Variants in TTLL11 observed in about 807,000 individuals in gnomAD.
TTLL11 encodes the protein tubulin tyrosine ligase like 11, also known as tubulin polyglutamylase TTLL11.
Under a neutral mutation model 51.7 loss-of-function variants are expected in TTLL11, and 42 were observed. The ratio of observed to expected loss-of-function variants is 0.81; its 90% CI spans 0.64 to 1.05. The LOEUF is 1.05. TTLL11 is among the 50% of genes least tolerant of loss of function. The pLI is 0.00. For missense variants in TTLL11, 799 were observed against 940.4 expected, an observed-to-expected ratio of 0.85 and a Z score of 1.97; for synonymous variants, 381 against 383.5, an observed-to-expected ratio of 0.99 and a Z score of 0.08.
chr9:122,090,276 C>G (rs1241012721), intron 1 of TTLL11, among the ~76,000 whole-genome samples: 2 of 152,132 alleles, frequency 1.3e-5, no homozygotes, highest in African/African-American at 4.8e-5. Context: ...ACTGACTTGC[C>G]CTGATAAATG....
chr9:121,904,590 T>G (rs1009898557), intron 6 of TTLL11, among the ~76,000 whole-genome samples: 5 of 152,222 alleles, frequency 3.3e-5, no homozygotes, highest in Non-Finnish European at 5.9e-5. Context: ...CTGGTGGTGT[T>G]CCTTCTGATT....
intron 3 of TTLL11, among the ~76,000 whole-genome samples, chr9:122,012,388 T>C (rs1346791677): frequency 6.6e-6 from 1 of 151,744 alleles, no homozygotes; most frequent in Non-Finnish European, 1.5e-5. Flanking sequence ...CCCAGAAAAA[T>C]GTTTACTTCT....
chr9:122,029,092 A>G (rs1844442374), intron 3 of TTLL11, among the ~76,000 whole-genome samples: 1 of 152,200 alleles, frequency 6.6e-6, no homozygotes, highest in Non-Finnish European at 1.5e-5. Context: ...TGCATTACTC[A>G]TGTTTGTGGT....
rs968018440 is a variant in TTLL11 at position 121,820,524 on chromosome 9, C to T, written c.*2063G>A. ...CATGCCACCAGACCATGACGGACCC[C>T]AGGCAGCCCCGAGCGGGGTAGCTGC... On this transcript the variant is annotated 3_prime_UTR_variant, in exon 9 of 9. Transcript: ENST00000321582. 1.3e-5 allele frequency among the ~76,000 whole-genome samples: 2 copies of T among 152,186 alleles called. No individual in the cohort carries two copies. The highest frequency in any genetic ancestry group is 4.8e-5 in the African/African-American group (2 of 41,442).
chr9:121,949,071 T>C (rs1841771303), intron 6 of TTLL11, among the ~76,000 whole-genome samples: 2 of 151,952 alleles, frequency 1.3e-5, no homozygotes, highest in Non-Finnish European at 2.9e-5. Flanking sequence ...CAATCCTGAG[T>C]CAGACACTCT....
chr9:122,037,828 T>C (rs1366136110), intron 2 of TTLL11, among the ~76,000 whole-genome samples: 1 of 152,160 alleles, frequency 6.6e-6, no homozygotes, highest in East Asian at 1.9e-4. Context: ...TCTAAGTGAA[T>C]CTGAGCTAAG....
intron 8 of TTLL11, among the ~76,000 whole-genome samples, chr9:121,845,454 A>G (rs779548830): frequency 6.6e-6 from 1 of 152,216 alleles, no homozygotes; most frequent in Non-Finnish European, 1.5e-5. Flanking sequence ...AGAGACTCAG[A>G]TCTACATAAA....
At chr9:121,914,478 A>T (rs1840250758) in intron 6 of TTLL11, among the ~76,000 whole-genome samples, 1 of 152,204 alleles carries the variant, frequency 6.6e-6, no homozygotes, top group Non-Finnish European at 1.5e-5. Flanking sequence ...AGGAGCTTAA[A>T]ATCTGTAGGC....
chr9:121,826,479 A>ATG (rs1554756688), intron 8 of TTLL11, among the ~76,000 whole-genome samples: 8 of 52,610 alleles, frequency 1.5e-4, no homozygotes, highest in East Asian at 9.6e-4. Context: ...ATATATATAT[A>ATG]TGTATATATA....
At chr9:121,984,577 C>A (rs7018493) in intron 4 of TTLL11, among the ~76,000 whole-genome samples, 47,835 of 151,992 alleles carry the variant, frequency 0.31, 7,927 homozygotes, top group African/African-American at 0.35. Context: ...AAATCCAAGC[C>A]CTTGACCACT....
chr9:122,069,179 T>C (rs753593186), intron 1 of TTLL11, among the ~76,000 whole-genome samples: 7 of 152,144 alleles, frequency 4.6e-5, no homozygotes, highest in South Asian at 2.1e-4. Flanking sequence ...CAAATCAACA[T>C]TGAGCAACTC....
intron 6 of TTLL11, among the ~76,000 whole-genome samples, chr9:121,915,980 GACACACACATACACACAC>G (rs1449227634): frequency 3.4e-4 from 34 of 98,624 alleles, no homozygotes; most frequent in African/African-American, 9.0e-4. Flanking sequence ...TATAGACAAA[GACACACACATACACACAC>G]ACACACACAC....
rs540568107 is a variant in TTLL11 at position 121,874,906 on chromosome 9, G to A, written c.1482-4158C>T. On this transcript the variant is annotated intron_variant, in intron 6 of 8. Transcript: ENST00000321582. Reference sequence around the variant, plus strand: ...CAAGTAGCTGGAACTACAGGCGTGTGCCACTATGTCTGGCTAATTTTTTTT... The same window carrying A: ...CAAGTAGCTGGAACTACAGGCGTGTACCACTATGTCTGGCTAATTTTTTTT... 4.9e-3 allele frequency among the ~76,000 whole-genome samples: 751 copies of A among 151,984 alleles called. 4 individuals are homozygous for A. Among genetic ancestry groups the A allele is most frequent in the African/African-American group, 0.017 (712 of 41,402 alleles).
intron 6 of TTLL11, among the ~76,000 whole-genome samples, chr9:121,961,019 G>A (rs7850608): frequency 0.077 from 11,762 of 152,264 alleles, 687 homozygotes; most frequent in African/African-American, 0.16. Flanking sequence ...AAAAGAAAAG[G>A]AAGGAAAGCA....
chr9:121,845,380 A>G (rs7042077), intron 8 of TTLL11, among the ~76,000 whole-genome samples: 101,977 of 152,050 alleles, frequency 0.67, 34,631 homozygotes, highest in East Asian at 0.79. Flanking sequence ...TCTGTTGCCA[A>G]TAGACTTGCT....
chr9:121,902,656 C>G (rs1277516104), intron 6 of TTLL11, among the ~76,000 whole-genome samples: 1 of 151,766 alleles, frequency 6.6e-6, no homozygotes, highest in Admixed American at 6.6e-5. Context: ...TTTTTCGTGC[C>G]TGTACTGAGT....
chr9:121,863,719 C>T (rs565832037), intron 7 of TTLL11, among the ~76,000 whole-genome samples: 2 of 152,302 alleles, frequency 1.3e-5, no homozygotes, highest in South Asian at 4.1e-4. Flanking sequence ...TATCTGTATG[C>T]TAGGGCTTTT....
intron 6 of TTLL11, among the ~76,000 whole-genome samples, chr9:121,925,490 C>T (rs959632077): frequency 7.2e-6 from 1 of 138,374 alleles, no homozygotes; most frequent in Non-Finnish European, 1.5e-5. Flanking sequence ...CTGTTCATGG[C>T]TCCAGGCCTT....
At chr9:122,089,404 G>A (rs1474930461) in intron 1 of TTLL11, among the ~76,000 whole-genome samples, 1 of 152,150 alleles carries the variant, frequency 6.6e-6, no homozygotes, top group Non-Finnish European at 1.5e-5. Flanking sequence ...ATGGGGAAAG[G>A]CAGGCATAAG....
Sources: allele counts gnomAD v4.1 joint callset (sites outside exome capture counted in the v4.1 genomes callset), GRCh38; gene constraint gnomAD v4.1.1; transcripts MANE v1.5; gene names NCBI Gene and HGNC (gene_info 2026-07-23, HGNC 2026-07-21).